The following FGD4 variants were observed in gnomAD, a reference collection of about 807,000 sequenced individuals.
The protein encoded by FGD4 is FYVE, RhoGEF and PH domain containing 4, also known as FYVE, RhoGEF and PH domain-containing protein 4.
FGD4 carries 42 observed loss-of-function variants against 102.0 expected under a neutral mutation model. That is an observed-to-expected ratio of 0.41 (90% CI 0.32 to 0.53). The LOEUF is 0.53. Among genes scored for constraint, FGD4 ranks in the 20% least tolerant of loss-of-function variants. The pLI is 0.21. For missense variants in FGD4, 902 were observed against 1,078.2 expected (o/e 0.84, Z 2.29); for synonymous variants, 380 against 375.7 (o/e 1.01, Z -0.13).
At chr12:32,605,119 A>G (rs1304461460) in intron 7 of FGD4, among the ~76,000 whole-genome samples, 1 of 151,772 alleles carries the variant, frequency 6.6e-6, no homozygotes, top group Non-Finnish European at 1.5e-5. Flanking sequence ...TTGTACTTTT[A>G]GTAGAGACGG....
At chr12:32,567,773 C>T (rs1004990755) in intron 2 of FGD4, among the ~76,000 whole-genome samples, 1 of 151,364 alleles carries the variant, frequency 6.6e-6, no homozygotes, top group South Asian at 2.1e-4. Context: ...CTGCGGCCTC[C>T]CCTTCCCAGG....
At chr12:32,449,123 AT>A (rs953951225) in intron 1 of FGD4, among the ~76,000 whole-genome samples, 75 of 151,748 alleles carry the variant, frequency 4.9e-4, no homozygotes, top group African/African-American at 1.7e-3. Flanking sequence ...ATATACAGAA[AT>A]TTTTTTTTCC....
At chr12:32,473,389 C>G (rs1286233878) in intron 1 of FGD4, among the ~76,000 whole-genome samples, 2 of 152,056 alleles carry the variant, frequency 1.3e-5, no homozygotes, top group Non-Finnish European at 2.9e-5. Flanking sequence ...CTCCTGAGTC[C>G]AGCGAGCCCA....
chr12:32,514,383 T>A (rs1009979184), intron 1 of FGD4, among the ~76,000 whole-genome samples: 1 of 152,214 alleles, frequency 6.6e-6, no homozygotes, highest in Non-Finnish European at 1.5e-5. Flanking sequence ...AATAAACCTT[T>A]TCCCTCAGCC....
intron 1 of FGD4, among the ~76,000 whole-genome samples, chr12:32,490,690 C>T (rs955285228): frequency 6.6e-6 from 1 of 152,118 alleles, no homozygotes; most frequent in African/African-American, 2.4e-5. Context: ...AGCCACCGCG[C>T]CTAGACTTAT....
chr12:32,484,727 C>T (rs1221092062), intron 1 of FGD4, among the ~76,000 whole-genome samples: 5 of 151,980 alleles, frequency 3.3e-5, no homozygotes, highest in Non-Finnish European at 5.9e-5. Context: ...CAAAAATTAG[C>T]CAGACGTGCT....
chr12:32,503,849 G>A (rs1258322826), intron 1 of FGD4, among the ~76,000 whole-genome samples: 1 of 152,138 alleles, frequency 6.6e-6, no homozygotes, highest in Non-Finnish European at 1.5e-5. Context: ...GTATGATTAT[G>A]TGTTCATGTT....
chr12:32,540,639 C>G (rs886462547), intron 1 of FGD4, among the ~76,000 whole-genome samples: 12 of 150,080 alleles, frequency 8.0e-5, no homozygotes, highest in Admixed American at 2.0e-4. Context: ...GATCTCAGCT[C>G]ACCGCAACCT....
At chr12:32,591,032 G>A (rs116978678) in intron 4 of FGD4, among the ~76,000 whole-genome samples, 16 of 152,284 alleles carry the variant, frequency 1.1e-4, no homozygotes, top group Non-Finnish European at 1.5e-4. Context: ...ATATCAAAGT[G>A]TTGATGCATC....
rs370368951 is a variant in FGD4, at chr12:32,595,238, T to A, written c.1012-3259T>A. On this transcript the variant is annotated intron_variant, in intron 4 of 16. Coordinates refer to ENST00000534526, the MANE Select transcript of FGD4 (RefSeq NM_001370298.3). ...TTTATCCCACAATGTATTTAAGTTT[T>A]ATCTCTTTTTCCTTATAAGTAGTAA... Among the ~76,000 whole-genome samples, 27 of 152,332 alleles carry A rather than the reference T, an allele frequency of 1.8e-4. No individual in the cohort carries two copies. The East Asian group carries it at 3.7e-3, about 21-fold the overall frequency.
At chr12:32,499,511 T>C (rs901859587) in intron 1 of FGD4, among the ~76,000 whole-genome samples, 3 of 152,244 alleles carry the variant, frequency 2.0e-5, no homozygotes, top group Admixed American at 6.5e-5. Context: ...CAATTCTTTT[T>C]AGTTTTTTTA....
intron 1 of FGD4, among the ~76,000 whole-genome samples, chr12:32,529,344 C>G (rs1482341681): frequency 6.6e-6 from 1 of 151,948 alleles, no homozygotes; most frequent in Non-Finnish European, 1.5e-5. Flanking sequence ...CCACGATGGT[C>G]TCGATCTCTT....
chr12:32,403,100 T>G (rs1940759870), intron 1 of FGD4, among the ~76,000 whole-genome samples: 1 of 150,388 alleles, frequency 6.6e-6, no homozygotes, highest in African/African-American at 2.4e-5. Flanking sequence ...ATTACTCAAT[T>G]GAAATGTCAC....
At chr12:32,415,344 A>G (rs73086045) in intron 1 of FGD4, among the ~76,000 whole-genome samples, 2,065 of 150,926 alleles carry the variant, frequency 0.014, 21 homozygotes, top group Non-Finnish European at 0.019. Flanking sequence ...TTTTCTGTCT[A>G]GAAGATCTGT....
rs1375124804 is a variant in FGD4, at chr12:32,646,034, A to T, written c.*5501A>T. 1 of 152,148 alleles carries T rather than the reference A, an allele frequency of 6.6e-6. No individual in the cohort carries two copies. The highest frequency in any genetic ancestry group is 1.5e-5 in the Non-Finnish European group (1 of 68,030). 9.4% of individuals were successfully genotyped at this position (152,148 alleles called of 1,614,324 possible). On this transcript the variant is annotated 3_prime_UTR_variant, in exon 17 of 17. Transcript: ENST00000534526. ...TTAAACATTTGTATCTTGTAAATAA[A>T]CACATCCTTAAATTAATTCCAAAGC... is the stretch of plus-strand genomic sequence containing the variant.
intron 1 of FGD4, among the ~76,000 whole-genome samples, chr12:32,410,443 C>T (rs978254695): frequency 1.3e-5 from 2 of 151,844 alleles, no homozygotes; most frequent in Admixed American, 6.6e-5. Context: ...TGTGATCACA[C>T]CACTGTATTC....
At chr12:32,608,810 A>C (rs914651836) in intron 8 of FGD4, among the ~76,000 whole-genome samples, 10 of 152,254 alleles carry the variant, frequency 6.6e-5, no homozygotes, top group Admixed American at 5.9e-4. Flanking sequence ...TTCCCTTGTA[A>C]TTTCTTGTTT....
chr12:32,417,955 CTTTT>C (rs55826183), intron 1 of FGD4, among the ~76,000 whole-genome samples: 5 of 105,162 alleles, frequency 4.8e-5, no homozygotes, highest in Middle Eastern at 5.9e-3. Context: ...TGTCTTAGTT[CTTTT>C]TTTTTTTTTT....
At chr12:32,420,563 C>T (rs545828158) in intron 1 of FGD4, among the ~76,000 whole-genome samples, 1 of 152,324 alleles carries the variant, frequency 6.6e-6, no homozygotes, top group East Asian at 1.9e-4. Context: ...GGCTTTCTCC[C>T]ACATTACTGA....
Sources: gnomAD v4.1 joint callset for allele counts (sites outside exome capture counted in the v4.1 genomes callset) on GRCh38, gnomAD v4.1.1 for gene constraint, MANE v1.5 for transcripts, NCBI Gene and HGNC (gene_info 2026-07-23, HGNC 2026-07-21) for gene names.